The following TBC1D5 variants were observed in gnomAD, a reference collection of about 807,000 sequenced individuals.
TBC1D5 encodes TBC1 domain family, member 5.
A neutral mutation model predicts 100.3 loss-of-function variants in TBC1D5; 75 were observed. The observed-to-expected ratio is 0.75, with a 90% confidence interval of 0.62 to 0.91. The LOEUF (loss-of-function observed/expected upper bound fraction) is 0.91. TBC1D5 is among the 40% of genes least tolerant of loss of function. TBC1D5 has a pLI of 0.00. For synonymous variants in TBC1D5, 323 were observed against 325.6 expected (o/e 0.99, Z 0.09); for missense variants, 910 against 942.4 (o/e 0.97, Z 0.45).
At chr3:17,640,971 A>C (rs1322858521) in intron 1 of TBC1D5, among the ~76,000 whole-genome samples, 1 of 152,064 alleles carries the variant, frequency 6.6e-6, no homozygotes, top group Non-Finnish European at 1.5e-5. Context: ...CTTAAAAAAA[A>C]AAAAAGTGAA....
intron 18 of TBC1D5, among the ~76,000 whole-genome samples, chr3:17,196,682 A>G (rs2070736341): frequency 6.6e-6 from 1 of 152,262 alleles, no homozygotes. Flanking sequence ...TATGTTGACC[A>G]TTAATAAAAT....
At chr3:17,726,569 T>C (rs2076146776) in intron 1 of TBC1D5, among the ~76,000 whole-genome samples, 2 of 152,370 alleles carry the variant, frequency 1.3e-5, no homozygotes, top group South Asian at 4.1e-4. Flanking sequence ...TGTTTGTTTT[T>C]TGCTTGTTCA....
intron 1 of TBC1D5, among the ~76,000 whole-genome samples, chr3:17,721,911 G>A (rs890493361): frequency 1.3e-5 from 2 of 151,804 alleles, no homozygotes; most frequent in Non-Finnish European, 2.9e-5. Flanking sequence ...GAACCCAGGA[G>A]GCAGAGATTG....
chr3:17,509,285 G>A (rs1309523790), intron 2 of TBC1D5, among the ~76,000 whole-genome samples: 1 of 151,664 alleles, frequency 6.6e-6, no homozygotes, highest in East Asian at 1.9e-4. Flanking sequence ...GTTTTCAGTT[G>A]TTCAATACTA....
chr3:17,312,682 A>C (rs1453622598), intron 13 of TBC1D5, among the ~76,000 whole-genome samples: 2 of 152,206 alleles, frequency 1.3e-5, no homozygotes, highest in African/African-American at 4.8e-5. Flanking sequence ...CCCTTTATTA[A>C]GGAAGGTTTC....
chr3:17,720,056 G>A (rs1380664507), intron 1 of TBC1D5, among the ~76,000 whole-genome samples: 1 of 152,182 alleles, frequency 6.6e-6, no homozygotes, highest in Non-Finnish European at 1.5e-5. Flanking sequence ...CATCACGAGT[G>A]TCTAAAGTAA....
intron 2 of TBC1D5, among the ~76,000 whole-genome samples, chr3:17,565,560 A>G (rs767898318): frequency 3.3e-5 from 5 of 152,050 alleles, no homozygotes; most frequent in Non-Finnish European, 7.4e-5. Context: ...CCTCATTTCT[A>G]TTTTCAATTG....
intron 2 of TBC1D5, among the ~76,000 whole-genome samples, chr3:17,594,531 AC>A (rs1470688229): frequency 6.6e-6 from 1 of 152,270 alleles, no homozygotes; most frequent in Non-Finnish European, 1.5e-5. Context: ...AGCTGTAGAA[AC>A]ATGGACTGTA....
At chr3:17,258,612 A>C in intron 15 of TBC1D5, 21 bp from the exon 16 acceptor site, 1 of 1,592,340 alleles carries the variant, frequency 6.3e-7, no homozygotes, top group East Asian at 2.2e-5. Context: ...ATACATTTTT[A>C]AAAAGCTAGT....
At chr3:17,610,934 T>C (rs892502285) in intron 2 of TBC1D5, among the ~76,000 whole-genome samples, 1 of 152,022 alleles carries the variant, frequency 6.6e-6, no homozygotes, top group African/African-American at 2.4e-5. Context: ...GACTTGAACC[T>C]GGGAGGCAGA....
At chr3:17,338,042 GAA>G (rs1025083856) in intron 13 of TBC1D5, among the ~76,000 whole-genome samples, 3 of 152,104 alleles carry the variant, frequency 2.0e-5, no homozygotes, top group African/African-American at 7.2e-5. Flanking sequence ...AGAGGCCAAA[GAA>G]GAGAGGAAAC....
chr3:17,185,209 C>T lies in TBC1D5; in HGVS notation c.1753-1G>A. The stretch of plus-strand genomic sequence containing the variant: ...AAATTTGGGCTTCTAATTCTTCTTC[C>T]TAAAATAAAGGGATAAACATATGGA... On this transcript the variant is annotated splice_acceptor_variant, in intron 18 of 21. Transcript: ENST00000253692. LOFTEE classifies it high-confidence loss of function. 1 of 1,611,744 alleles carries T rather than the reference C, an allele frequency of 6.2e-7. No individual in the cohort carries two copies. Among genetic ancestry groups the T allele is most frequent in the East Asian group, 2.2e-5 (1 of 44,800 alleles).
rs2125419026 is a variant in TBC1D5, at chr3:17,180,660, GAAACCAC to G, written c.1852+4442_1852+4448del. 2.0e-5 allele frequency among the ~76,000 whole-genome samples: 3 copies of G among 152,268 alleles called. 1 individual carries two copies. The South Asian group carries it at 6.2e-4, about 32-fold the overall frequency. ...GGAACTGGAGGCCATTATGCTAAGTGAAACCACTCAGAAATAGTCAAATTCTGCATGT... is the reference window on the plus strand; with the variant it reads ...GGAACTGGAGGCCATTATGCTAAGTGTCAGAAATAGTCAAATTCTGCATGT... On this transcript the variant is annotated intron_variant, in intron 19 of 21. Coordinates refer to ENST00000253692, the Ensembl canonical transcript of TBC1D5.
intron 1 of TBC1D5, among the ~76,000 whole-genome samples, chr3:17,705,011 C>G (rs1289806976): frequency 8.1e-5 from 11 of 135,616 alleles, no homozygotes; most frequent in African/African-American, 2.7e-4. Flanking sequence ...GCTGACCCCC[C>G]CACCTCCCTC....
intron 14 of TBC1D5, among the ~76,000 whole-genome samples, chr3:17,298,334 T>C (rs2082470052): frequency 6.6e-6 from 1 of 152,240 alleles, no homozygotes; most frequent in Non-Finnish European, 1.5e-5. Flanking sequence ...AGTTAAGTTC[T>C]AAAGACATGA....
chr3:17,489,609 G>A (rs2095613084), intron 3 of TBC1D5, among the ~76,000 whole-genome samples: 1 of 152,120 alleles, frequency 6.6e-6, no homozygotes, highest in Non-Finnish European at 1.5e-5. Flanking sequence ...TTAATTTGCT[G>A]AGGATAATGG....
chr3:17,157,349 CTAT>C (rs1289994598), exon 22 of TBC1D5: 2 of 152,254 alleles, frequency 1.3e-5, no homozygotes, highest in Non-Finnish European at 1.5e-5. Context: ...AGAAAAACTA[CTAT>C]GACAGCTTTT....
chr3:17,227,599 C>A (rs746460607), intron 17 of TBC1D5, among the ~76,000 whole-genome samples: 17 of 151,870 alleles, frequency 1.1e-4, no homozygotes, highest in Non-Finnish European at 2.2e-4. Flanking sequence ...AACACAGGAA[C>A]AGAAAACTAA....
intron 9 of TBC1D5, 39 bp downstream of exon 9, chr3:17,383,874 T>C (rs751122097): frequency 1.3e-6 from 2 of 1,516,886 alleles, no homozygotes; most frequent in South Asian, 1.2e-5. Flanking sequence ...ATAGAAAATT[T>C]TGAGTCAATG....
Sources: gnomAD v4.1 joint callset for allele counts (sites outside exome capture counted in the v4.1 genomes callset) on GRCh38, gnomAD v4.1.1 for gene constraint, MANE v1.5 for transcripts, NCBI Gene and HGNC (gene_info 2026-07-23, HGNC 2026-07-21) for gene names.